PSD3: variants seen among roughly 807,000 people sequenced by gnomAD.
PSD3 encodes the protein pleckstrin and Sec7 domain containing 3.
In PSD3, 49 loss-of-function variants were observed where a neutral mutation model predicts 105.5. That is an observed-to-expected ratio of 0.46 (90% CI 0.37 to 0.59). The LOEUF (loss-of-function observed/expected upper bound fraction) is 0.59. Ranked by LOEUF, PSD3 falls within the 20% of genes least tolerant of loss-of-function variation. PSD3 has a pLI of 0.00. For synonymous variants in PSD3, 557 were observed against 457.8 expected, an observed-to-expected ratio of 1.22 and a Z score of -2.77; for missense variants, 1,561 against 1,263.8, an observed-to-expected ratio of 1.24 and a Z score of -3.57.
intron 1 of PSD3, among the ~76,000 whole-genome samples, chr8:19,024,856 T>C (rs1827488014): frequency 6.6e-6 from 1 of 152,156 alleles, no homozygotes; most frequent in South Asian, 2.1e-4. Flanking sequence ...CCCTGTCCTA[T>C]GCATTCCTTT....
intron 1 of PSD3, among the ~76,000 whole-genome samples, chr8:18,975,138 G>A (rs752763014): frequency 6.6e-6 from 1 of 152,114 alleles, no homozygotes; most frequent in Non-Finnish European, 1.5e-5. Flanking sequence ...AGGGTTGGAA[G>A]GGTGGGGAAG....
chr8:19,042,838 C>A (rs1828168780), intron 1 of PSD3, among the ~76,000 whole-genome samples: 1 of 152,106 alleles, frequency 6.6e-6, no homozygotes, highest in Middle Eastern at 3.2e-3. Context: ...ACTGTACTTC[C>A]TAAAAAGAAA....
At chr8:18,841,131 T>G (rs1814586912) in intron 4 of PSD3, among the ~76,000 whole-genome samples, 1 of 152,232 alleles carries the variant, frequency 6.6e-6, no homozygotes, top group South Asian at 2.1e-4. Context: ...AACCACCTAC[T>G]AAGCCTGCTG....
chr8:18,775,888 C>T (rs1007175318), intron 8 of PSD3, among the ~76,000 whole-genome samples: 1 of 152,050 alleles, frequency 6.6e-6, no homozygotes, highest in Non-Finnish European at 1.5e-5. Flanking sequence ...AGAGGTCTTC[C>T]CCTCCCCCGC....
rs780011414 is a variant in PSD3, at chr8:18,871,956, C to T, written c.908G>A (p.Gly303Glu). The T allele has an allele frequency of 5.0e-6, 8 of 1,614,028 alleles. No homozygotes were observed. The highest frequency in any genetic ancestry group is 5.9e-6 in the Non-Finnish European group (7 of 1,180,020). Residue 303 changes from glycine to glutamate, a missense_variant, in exon 3 of 16, where the codon GGA (glycine) becomes GAA (glutamate). Transcript: ENST00000327040. ...PGRVKHVEFQ[G>E]VEILWTGGDK... The stretch of plus-strand genomic sequence containing the variant: ...TCCTCCTGTCCACAGTATTTCCACT[C>T]CTTGAAATTCCACATGTTTGACCCG...
At chr8:18,950,616 GA>G (rs1823176601) in intron 1 of PSD3, among the ~76,000 whole-genome samples, 2 of 152,116 alleles carry the variant, frequency 1.3e-5, no homozygotes, top group South Asian at 4.1e-4. Flanking sequence ...ACATACAAGT[GA>G]GAACATGCAG....
intron 1 of PSD3, among the ~76,000 whole-genome samples, chr8:19,012,204 T>G (rs907593622): frequency 1.2e-4 from 18 of 152,216 alleles, no homozygotes; most frequent in African/African-American, 4.3e-4. Context: ...TAATGAAATA[T>G]CTTACAAGAC....
Position 18,528,636 on chromosome 8 carries a change from A to G in PSD3, c.*7107T>C, listed in dbSNP as rs1270946501. The G allele has an allele frequency of 6.6e-6, 1 of 152,474 alleles. No individual in the cohort carries two copies. Among genetic ancestry groups the G allele is most frequent in the African/African-American group, 2.4e-5 (1 of 41,448 alleles). The allele number at this position is 152,474 out of a possible 1,614,324, so 9.4% of individuals were successfully genotyped here. Reference sequence around the variant, plus strand: ...ATGATGTGTTATCACCACTCTCTGCAGGGCTCTGGTGTTCAGGACTCAGAG... The same window carrying G: ...ATGATGTGTTATCACCACTCTCTGCGGGGCTCTGGTGTTCAGGACTCAGAG... On this transcript the variant is annotated 3_prime_UTR_variant, in exon 16 of 16. Transcript: ENST00000327040.
chr8:18,625,950 C>G (rs1322223256), intron 11 of PSD3, among the ~76,000 whole-genome samples: 1 of 152,024 alleles, frequency 6.6e-6, no homozygotes, highest in Non-Finnish European at 1.5e-5. Context: ...TTGATTTCCA[C>G]AAGTATGTTA....
At chr8:19,030,766 T>C (rs1454537700) in intron 1 of PSD3, among the ~76,000 whole-genome samples, 1 of 152,188 alleles carries the variant, frequency 6.6e-6, no homozygotes, top group Non-Finnish European at 1.5e-5. Flanking sequence ...ACTTAATTTC[T>C]AACCTTCTAC....
At chr8:19,039,057 C>A (rs1828038718) in intron 1 of PSD3, among the ~76,000 whole-genome samples, 1 of 152,130 alleles carries the variant, frequency 6.6e-6, no homozygotes, top group Admixed American at 6.5e-5. Context: ...GCAATTTGAC[C>A]TTTAACTCCA....
intron 2 of PSD3, among the ~76,000 whole-genome samples, chr8:18,901,649 A>G (rs998299568): frequency 6.6e-6 from 1 of 152,018 alleles, no homozygotes; most frequent in African/African-American, 2.4e-5. Flanking sequence ...TGTTTTCATG[A>G]TAGTGATTTT....
intron 6 of PSD3, chr8:18,802,329 A>AC: frequency 2.3e-6 from 1 of 433,478 alleles, no homozygotes; most frequent in Non-Finnish European, 4.7e-6. Context: ...GATGACCCTC[A>AC]CTTGACAATG....
chr8:18,915,131 A>G (rs1173830848), intron 2 of PSD3, among the ~76,000 whole-genome samples: 1 of 152,194 alleles, frequency 6.6e-6, no homozygotes, highest in Non-Finnish European at 1.5e-5. Flanking sequence ...GGGAAAACGG[A>G]ATATCCACAT....
chr8:18,620,150 C>T (rs1377159462), intron 11 of PSD3, among the ~76,000 whole-genome samples: 1 of 152,216 alleles, frequency 6.6e-6, no homozygotes, highest in Non-Finnish European at 1.5e-5. Flanking sequence ...ACCAATAACT[C>T]AACCATCCCT....
At chr8:18,832,260 A>G (rs1355145081) in intron 4 of PSD3, among the ~76,000 whole-genome samples, 1 of 152,222 alleles carries the variant, frequency 6.6e-6, no homozygotes, top group Non-Finnish European at 1.5e-5. Flanking sequence ...TATAAAGTAT[A>G]GGGTTATATC....
At chr8:19,022,887 A>G (rs570120289) in intron 1 of PSD3, among the ~76,000 whole-genome samples, 42 of 148,776 alleles carry the variant, frequency 2.8e-4, no homozygotes, top group Non-Finnish European at 4.6e-4. Flanking sequence ...TAATCTGTGC[A>G]TGGGGTAGAT....
At chr8:18,746,780 G>C (rs983786699) in intron 9 of PSD3, among the ~76,000 whole-genome samples, 3 of 152,136 alleles carry the variant, frequency 2.0e-5, no homozygotes, top group African/African-American at 7.2e-5. Context: ...AATACAATTA[G>C]GTTCATTTGT....
chr8:18,942,702 CAA>C (rs940500227), intron 1 of PSD3, among the ~76,000 whole-genome samples: 1 of 152,148 alleles, frequency 6.6e-6, no homozygotes, highest in African/African-American at 2.4e-5. Flanking sequence ...ATCTGCAAGA[CAA>C]AGAGAGAGGC....
Sources: gnomAD v4.1 joint callset for allele counts (sites outside exome capture counted in the v4.1 genomes callset) on GRCh38, gnomAD v4.1.1 for gene constraint, MANE v1.5 for transcripts, NCBI Gene and HGNC (gene_info 2026-07-23, HGNC 2026-07-21) for gene names.